ST18: variants seen among roughly 807,000 people sequenced by gnomAD.
The protein encoded by ST18 is suppression of tumorigenicity 18 protein.
A neutral mutation model predicts 110.0 loss-of-function variants in ST18; 50 were observed. That is an observed-to-expected ratio of 0.45 (90% CI 0.36 to 0.58). The LOEUF (loss-of-function observed/expected upper bound fraction) is 0.58. Among genes scored for constraint, ST18 ranks in the 20% least tolerant of loss-of-function variants. The pLI is 0.00. For synonymous variants in ST18, 461 were observed against 452.4 expected, an observed-to-expected ratio of 1.02 and a Z score of -0.24; for missense variants, 1,306 against 1,280.1, an observed-to-expected ratio of 1.02 and a Z score of -0.31.
At chr8:52,187,115 C>T (rs1350908402) in intron 8 of ST18, among the ~76,000 whole-genome samples, 1 of 152,080 alleles carries the variant, frequency 6.6e-6, no homozygotes, top group Non-Finnish European at 1.5e-5. Context: ...CTGCAAATTT[C>T]TTTGATTACC....
At chr8:52,262,465 G>C (rs531167028) in intron 2 of ST18, among the ~76,000 whole-genome samples, 408 of 152,304 alleles carry the variant, frequency 2.7e-3, no homozygotes, top group Middle Eastern at 6.8e-3. Flanking sequence ...CGACTTCACA[G>C]GACGACCTCC....
chr8:52,349,951 G>A (rs998432788), intron 2 of ST18, among the ~76,000 whole-genome samples: 2 of 152,110 alleles, frequency 1.3e-5, no homozygotes, highest in Non-Finnish European at 2.9e-5. Flanking sequence ...CACTTGTCCC[G>A]ACAGCAACTG....
chr8:52,198,916 C>T (rs1263755722), intron 8 of ST18, among the ~76,000 whole-genome samples: 2 of 152,116 alleles, frequency 1.3e-5, no homozygotes, highest in Non-Finnish European at 2.9e-5. Context: ...AATGACACTT[C>T]CCCAGGCCCA....
At chr8:52,270,309 C>T (rs894508540) in intron 2 of ST18, among the ~76,000 whole-genome samples, 1 of 152,122 alleles carries the variant, frequency 6.6e-6, no homozygotes, top group African/African-American at 2.4e-5. Flanking sequence ...CAAATGTTTG[C>T]TCTGTGATAA....
At chr8:52,218,840 G>C (rs770112867) in intron 5 of ST18, among the ~76,000 whole-genome samples, 1 of 152,086 alleles carries the variant, frequency 6.6e-6, no homozygotes, top group African/African-American at 2.4e-5. Context: ...GCTCTTGTGA[G>C]ATGTCGTTTC....
At position 52,331,480 on chromosome 8, in the gene ST18, C is replaced by G. The variant is rs372961939; in HGVS notation, c.-465+77848G>C. Among the ~76,000 whole-genome samples, 12 of 151,988 alleles carry G rather than the reference C, an allele frequency of 7.9e-5. No homozygotes were observed. In the East Asian group the frequency reaches 2.1e-3, roughly 27 times the overall value. ...GCCTATGCACACATACACAAGTAAC[C>G]AAGACTTGACATACCCAGCCCGTCT... On this transcript the variant is annotated intron_variant, in intron 2 of 25. Coordinates refer to ENST00000689386, the MANE Select transcript of ST18 (RefSeq NM_001352837.2).
At chr8:52,133,171 A>C in intron 20 of ST18, 34 bp from the exon 21 acceptor site, 5 of 1,614,174 alleles carry the variant, frequency 3.1e-6, no homozygotes, top group Non-Finnish European at 4.2e-6. Flanking sequence ...ACAAAGCAAA[A>C]TTATGTGATC....
intron 7 of ST18, among the ~76,000 whole-genome samples, chr8:52,213,913 T>A (rs1012099231): frequency 6.6e-6 from 1 of 152,226 alleles, no homozygotes; most frequent in African/African-American, 2.4e-5. Flanking sequence ...CCATGAAACA[T>A]CCCTCACTTG....
At chr8:52,314,733 A>C (rs1200741064) in intron 2 of ST18, among the ~76,000 whole-genome samples, 1 of 152,104 alleles carries the variant, frequency 6.6e-6, no homozygotes, top group Non-Finnish European at 1.5e-5. Context: ...CCTGGCCCCA[A>C]CCAGAGCCTC....
intron 2 of ST18, among the ~76,000 whole-genome samples, chr8:52,273,737 A>T (rs980620048): frequency 6.6e-6 from 1 of 152,220 alleles, no homozygotes; most frequent in Non-Finnish European, 1.5e-5. Flanking sequence ...CAGTTAGATG[A>T]CTAGGTGCTA....
chr8:52,114,680 G>C (rs1327158959), intron 25 of ST18, among the ~76,000 whole-genome samples: 2 of 152,150 alleles, frequency 1.3e-5, no homozygotes, highest in African/African-American at 4.8e-5. Flanking sequence ...GATTGGATGG[G>C]AACCCAGGTA....
At chr8:52,407,048 G>A (rs933703384) in intron 2 of ST18, 1 of 152,144 alleles carries the variant, frequency 6.6e-6, no homozygotes, top group Non-Finnish European at 1.5e-5. Flanking sequence ...CCAACTTTCC[G>A]ATTACAGAAT....
intron 2 of ST18, among the ~76,000 whole-genome samples, chr8:52,285,771 T>C (rs543998163): frequency 2.6e-4 from 40 of 152,214 alleles, no homozygotes; most frequent in Non-Finnish European, 4.7e-4. Flanking sequence ...ATTTTTCTAG[T>C]GGTCTTCAAT....
intron 2 of ST18, among the ~76,000 whole-genome samples, chr8:52,378,674 T>C (rs1013961868): frequency 6.6e-6 from 1 of 152,234 alleles, no homozygotes; most frequent in Non-Finnish European, 1.5e-5. Flanking sequence ...TTGGGGAGTG[T>C]GAAACTTCAC....
At chr8:52,338,087 T>C (rs1434137360) in intron 2 of ST18, among the ~76,000 whole-genome samples, 3 of 152,220 alleles carry the variant, frequency 2.0e-5, no homozygotes, top group Admixed American at 6.5e-5. Flanking sequence ...AGACAGAGTG[T>C]CACTTTTGTT....
intron 22 of ST18, among the ~76,000 whole-genome samples, chr8:52,126,601 A>G (rs1312021405): frequency 6.6e-6 from 1 of 152,212 alleles, no homozygotes; most frequent in Non-Finnish European, 1.5e-5. Flanking sequence ...TTATAGAATG[A>G]CTCAAATTAA....
intron 8 of ST18, among the ~76,000 whole-genome samples, chr8:52,202,268 A>G (rs2078241442): frequency 6.7e-6 from 1 of 150,326 alleles, no homozygotes. Context: ...AAGCTACATT[A>G]TTCTCAAAAC....
chr8:52,367,481 A>C (rs1828568984), intron 2 of ST18, among the ~76,000 whole-genome samples: 1 of 152,184 alleles, frequency 6.6e-6, no homozygotes, highest in African/African-American at 2.4e-5. Context: ...AATACTAAGA[A>C]ATTGGAATCA....
At chr8:52,322,879 GGT>G (rs1804631481) in intron 2 of ST18, among the ~76,000 whole-genome samples, 1 of 152,168 alleles carries the variant, frequency 6.6e-6, no homozygotes, top group Non-Finnish European at 1.5e-5. Flanking sequence ...TTGATGATTG[GGT>G]GTGTTATTGA....
Sources: gnomAD v4.1 joint callset for allele counts (sites outside exome capture counted in the v4.1 genomes callset) on GRCh38, gnomAD v4.1.1 for gene constraint, MANE v1.5 for transcripts, NCBI Gene and HGNC (gene_info 2026-07-23, HGNC 2026-07-21) for gene names.